Variants in KLHL7 observed in about 807,000 individuals in gnomAD.
KLHL7 encodes the protein kelch-like protein 7.
KLHL7 carries 44 observed loss-of-function variants against 67.4 expected under a neutral mutation model. That is an observed-to-expected ratio of 0.65 (90% confidence interval 0.51 to 0.84). The LOEUF (loss-of-function observed/expected upper bound fraction) is 0.84. Ranked by LOEUF, KLHL7 falls within the 40% of genes least tolerant of loss-of-function variation. The pLI is 0.00. For synonymous variants in KLHL7, 252 were observed against 243.3 expected (o/e 1.04, Z -0.33); for missense variants, 362 against 718.1 (o/e 0.50, Z 5.67).
At position 23,165,938 on chromosome 7, in the gene KLHL7, G is replaced by C; in HGVS notation, c.1177G>C (p.Gly393Arg). Reference protein sequence around the residue: ...KIYTSGGSEVGNSALYLFECY... With the variant: ...KIYTSGGSEVRNSALYLFECY... ...TTATACATCTGGAGGTTCAGAAGTA[G>C]GTAAGGACTTCTTAAGTATTTTGGT... The change falls in exon 8 of 11, where the codon GGA becomes CGA. Residue 393 changes from glycine to arginine, a missense_variant and splice_region_variant. Physicochemically the swap from Gly to Arg is moderately radical, Grantham distance 125. Transcript: ENST00000339077. 1.9e-6 allele frequency: 3 copies of C among 1,613,968 alleles called. No individual in the cohort carries two copies. Among genetic ancestry groups the C allele is most frequent in the Non-Finnish European group, 2.5e-6 (3 of 1,179,980 alleles).
intron 4 of KLHL7, among the ~76,000 whole-genome samples, chr7:23,132,516 T>C (rs1046170133): frequency 3.9e-5 from 6 of 152,228 alleles, no homozygotes; most frequent in African/African-American, 1.4e-4. Flanking sequence ...TTTTTTCTTA[T>C]AGAGCTCCGT....
rs780202902 is a variant in KLHL7, at chr7:23,174,418, T to A, written c.*120T>A. 2 of 972,154 alleles carry A rather than the reference T, an allele frequency of 2.1e-6. No homozygotes were observed. Among genetic ancestry groups the A allele is most frequent in the East Asian group, 2.5e-5 (1 of 39,534 alleles). 60.2% of individuals were successfully genotyped at this position (972,154 alleles called of 1,614,324 possible). A position where few individuals can be genotyped will look rare whatever the true frequency, so the allele number is the denominator to read the frequency against. ...TTGGTAAAGAAAGTTTCAAGTGAAATGAGGTTCCTATAAAATAGATGTTTC... is the reference window on the plus strand; with the variant it reads ...TTGGTAAAGAAAGTTTCAAGTGAAAAGAGGTTCCTATAAAATAGATGTTTC... On this transcript the variant is annotated 3_prime_UTR_variant, in exon 11 of 11. Transcript: ENST00000339077.
chr7:23,143,779 T>G, intron 5 of KLHL7, 72 bp from the exon 6 acceptor site: 70 of 1,431,182 alleles, frequency 4.9e-5, no homozygotes, highest in Non-Finnish European at 6.2e-5. Context: ...CCCTTCAATA[T>G]GAGAGTAAAC....
In KLHL7 at chr7:23,106,042, G is replaced by A. The variant is rs996132702; in HGVS notation, c.16G>A (p.Val6Met). 3.1e-6 allele frequency: 5 copies of A among 1,610,270 alleles called. No individual in the cohort carries two copies. Among genetic ancestry groups the A allele is most frequent in the Non-Finnish European group, 4.2e-6 (5 of 1,178,780 alleles). The change falls in exon 1 of 11, where the codon GTG becomes ATG. Residue 6 changes from valine (V) to methionine (M), a missense_variant. This residue lies in a region of KLHL7 where 57 missense variants were observed against 81.7 expected (regional missense o/e 0.70). Coordinates refer to ENST00000339077, the MANE Select transcript of KLHL7 (RefSeq NM_001031710.3). ...CTGAGGGAGGATGGCAGCCTCTGGGGTGGAGAAGAGCAGCAAGAAGAAGAC... is the reference window on the plus strand; with the variant it reads ...CTGAGGGAGGATGGCAGCCTCTGGGATGGAGAAGAGCAGCAAGAAGAAGAC... Reference protein sequence around the residue: MAASGVEKSSKKKTEK... With the variant: MAASGMEKSSKKKTEK...
chr7:23,175,966 A>T lies in KLHL7; in HGVS notation c.*1668A>T, dbSNP rs1583747269. The T allele has an allele frequency of 6.6e-6, 1 of 151,610 alleles. No individual in the cohort carries two copies. The highest frequency in any genetic ancestry group is 1.5e-5 in the Non-Finnish European group (1 of 67,976). 9.4% of individuals were successfully genotyped at this position (151,610 alleles called of 1,614,324 possible). On this transcript the variant is annotated 3_prime_UTR_variant, in exon 11 of 11. Transcript: ENST00000339077. The stretch of plus-strand genomic sequence containing the variant: ...ACAGAGCAAGACTAAAAAAAAAAAA[A>T]AAAAAAAAAAAATGTATTATTCAGT...
intron 1 of KLHL7, among the ~76,000 whole-genome samples, chr7:23,118,358 C>T (rs1783185624): frequency 6.6e-6 from 1 of 152,210 alleles, no homozygotes; most frequent in African/African-American, 2.4e-5. Flanking sequence ...TTGACCTGAG[C>T]ATTAAATTGG....
chr7:23,152,552 T>C (rs1410748315), intron 7 of KLHL7, among the ~76,000 whole-genome samples: 2 of 152,184 alleles, frequency 1.3e-5, no homozygotes, highest in African/African-American at 4.8e-5. Context: ...GGGCCAAATT[T>C]GTTTGTTTTT....
In KLHL7 at chr7:23,144,157, T is replaced by A. The variant is rs532883836; in HGVS notation, c.793+132T>A. ...AGATTTTGCTCTTCTAGATAGTTAA[T>A]CCCTTGGGTTTCTGAACTGTACACC... On this transcript the variant is annotated intron_variant, in intron 6 of 10. Coordinates refer to ENST00000339077, the MANE Select transcript of KLHL7 (RefSeq NM_001031710.3). The A allele has an allele frequency of 4.8e-5, 38 of 787,872 alleles. No individual in the cohort carries two copies. The African/African-American group carries it at 6.3e-4, about 13-fold the overall frequency. The allele number at this position is 787,872 out of a possible 1,614,324, so 48.8% of individuals were successfully genotyped here. A position where few individuals can be genotyped will look rare whatever the true frequency, so the allele number is the denominator to read the frequency against.
chr7:23,125,854 GTTT>G, intron 4 of KLHL7: 1 of 1,550,526 alleles, frequency 6.4e-7, no homozygotes, highest in Non-Finnish European at 8.7e-7. Context: ...ACGTCCAGAT[GTTT>G]GTGCAGTAGC....
intron 1 of KLHL7, among the ~76,000 whole-genome samples, chr7:23,121,832 A>G (rs752065996): frequency 1.3e-5 from 2 of 151,790 alleles, no homozygotes; most frequent in Non-Finnish European, 2.9e-5. Flanking sequence ...ACAGGTGCCC[A>G]CCACCACACC....
chr7:23,140,382 G>T (rs544784150), intron 4 of KLHL7, among the ~76,000 whole-genome samples: 1 of 152,042 alleles, frequency 6.6e-6, no homozygotes, highest in Admixed American at 6.5e-5. Flanking sequence ...GTGAAACCCC[G>T]TCTCTACTAA....
chr7:23,118,070 T>A, intron 1 of KLHL7: 3 of 1,380,276 alleles, frequency 2.2e-6, no homozygotes, highest in Non-Finnish European at 3.0e-6. Context: ...TAAAAGCTAA[T>A]CCTCATACAG....
intron 9 of KLHL7, among the ~76,000 whole-genome samples, chr7:23,168,531 A>G (rs1785066558): frequency 6.6e-6 from 1 of 152,252 alleles, no homozygotes; most frequent in Non-Finnish European, 1.5e-5. Flanking sequence ...TGCTTTTAAA[A>G]AGGCAAAGTG....
intron 4 of KLHL7, among the ~76,000 whole-genome samples, chr7:23,134,345 G>T (rs1461326173): frequency 6.6e-6 from 1 of 152,034 alleles, no homozygotes; most frequent in Non-Finnish European, 1.5e-5. Flanking sequence ...TGTTGAATTT[G>T]GTTTGCTAAT....
chr7:23,148,535 A>G (rs1784434653), intron 6 of KLHL7, among the ~76,000 whole-genome samples: 1 of 152,218 alleles, frequency 6.6e-6, no homozygotes, highest in African/African-American at 2.4e-5. Flanking sequence ...AAAGAAAATC[A>G]GGACCAAGAA....
At chr7:23,147,997 C>A (rs1310767546) in intron 6 of KLHL7, among the ~76,000 whole-genome samples, 1 of 152,186 alleles carries the variant, frequency 6.6e-6, no homozygotes, top group East Asian at 1.9e-4. Context: ...GTTCCAACTC[C>A]TTATCTTGAG....
intron 1 of KLHL7, among the ~76,000 whole-genome samples, chr7:23,118,647 G>C (rs1783197387): frequency 6.6e-6 from 1 of 152,214 alleles, no homozygotes; most frequent in African/African-American, 2.4e-5. Flanking sequence ...CCCAGGGGAA[G>C]AGGGAATACA....
chr7:23,123,677 G>T, intron 1 of KLHL7, 100 bp from the exon 2 acceptor site: 1 of 769,102 alleles, frequency 1.3e-6, no homozygotes, highest in Non-Finnish European at 2.2e-6. Flanking sequence ...GCTTTAAATA[G>T]AAAATAGAGA....
intron 6 of KLHL7, among the ~76,000 whole-genome samples, chr7:23,148,626 CTG>C (rs905493814): frequency 6.6e-5 from 10 of 152,158 alleles, no homozygotes; most frequent in African/African-American, 2.2e-4. Flanking sequence ...AATTCCCAAA[CTG>C]TGTGTTATTT....
Sources: allele counts gnomAD v4.1 joint callset (sites outside exome capture counted in the v4.1 genomes callset), GRCh38; gene constraint gnomAD v4.1.1; regional missense constraint gnomAD v4.1.1; transcripts MANE v1.5; gene names NCBI Gene and HGNC (gene_info 2026-07-23, HGNC 2026-07-21).